PALM2AKAP2: variants seen among roughly 807,000 people sequenced by gnomAD.
The protein encoded by PALM2AKAP2 is PALM2-AKAP2 fusion protein.
Under a neutral mutation model 71.5 loss-of-function variants are expected in PALM2AKAP2, and 37 were observed. The ratio of observed to expected loss-of-function variants is 0.52; its 90% CI spans 0.40 to 0.68. PALM2AKAP2 has a LOEUF of 0.68. PALM2AKAP2 is among the 30% of genes least tolerant of loss of function. The pLI, the probability that PALM2AKAP2 is intolerant of heterozygous loss-of-function variation, is 0.00. For synonymous variants in PALM2AKAP2, 468 were observed against 478.8 expected (o/e 0.98, Z 0.29); for missense variants, 1,224 against 1,191.8 (o/e 1.03, Z -0.40).
intron 1 of PALM2AKAP2, among the ~76,000 whole-genome samples, chr9:109,841,387 G>A (rs1459393660): frequency 6.8e-6 from 1 of 146,950 alleles, no homozygotes; most frequent in Non-Finnish European, 1.5e-5. Context: ...TAGGGGGGAG[G>A]GATAGCATTA....
At chr9:110,005,465 C>A (rs1223728020) in intron 6 of PALM2AKAP2, among the ~76,000 whole-genome samples, 2 of 152,238 alleles carry the variant, frequency 1.3e-5, no homozygotes, top group South Asian at 2.1e-4. Flanking sequence ...TTAGGCTACT[C>A]GGGGGTCAGG....
At chr9:109,929,697 T>G (rs79999822) in intron 5 of PALM2AKAP2, among the ~76,000 whole-genome samples, 6,672 of 151,750 alleles carry the variant, frequency 0.044, 164 homozygotes, top group African/African-American at 0.058. Context: ...ACCCCATCTC[T>G]ACTAAAAATA....
chr9:110,043,880 C>T (rs753647984), upstream of PALM2AKAP2, among the ~76,000 whole-genome samples: 11 of 151,670 alleles, frequency 7.3e-5, no homozygotes, highest in East Asian at 1.9e-4. Context: ...CACCACACCC[C>T]GCTCATTTTT....
At chr9:109,937,441 T>G (rs1831250407) in intron 6 of PALM2AKAP2, among the ~76,000 whole-genome samples, 2 of 152,194 alleles carry the variant, frequency 1.3e-5, no homozygotes, top group South Asian at 4.2e-4. Flanking sequence ...AAAGTATCCA[T>G]GCAGTCATTC....
chr9:110,038,220 C>T (rs973502443), intron 7 of PALM2AKAP2, among the ~76,000 whole-genome samples: 1 of 152,046 alleles, frequency 6.6e-6, no homozygotes, highest in African/African-American at 2.4e-5. Flanking sequence ...ACACACCTGT[C>T]ATCCAAGGCT....
rs1829073156 is a variant in PALM2AKAP2 at position 109,853,387 on chromosome 9, A to AT, written c.46-14098dup. On this transcript the variant is annotated intron_variant, in intron 1 of 9. Transcript: ENST00000302798. ...GCTTTCCAATCTTTTCCATAACTGT[A>AT]TTTTTTCTTATAAAAGTGAGATTAT... Among the ~76,000 whole-genome samples, 4 of 152,130 alleles carry AT rather than the reference A, an allele frequency of 2.6e-5. No individual in the cohort carries two copies. In the South Asian group the frequency reaches 6.2e-4, roughly 24 times the overall value.
chr9:109,844,032 A>T (rs12235555), intron 1 of PALM2AKAP2, among the ~76,000 whole-genome samples: 20,374 of 152,254 alleles, frequency 0.13, 1,639 homozygotes, highest in East Asian at 0.38. Flanking sequence ...TCTCTTTCTC[A>T]AACTGCCTTT....
chr9:110,016,965 C>G (rs889987883), intron 7 of PALM2AKAP2, among the ~76,000 whole-genome samples: 1 of 152,044 alleles, frequency 6.6e-6, no homozygotes, highest in Non-Finnish European at 1.5e-5. Context: ...CTGCAAGCTC[C>G]GCCTCCCGGG....
At chr9:110,116,410 G>T (rs183748625) in intron 1 of PALM2AKAP2, among the ~76,000 whole-genome samples, 2 of 152,272 alleles carry the variant, frequency 1.3e-5, no homozygotes, top group Admixed American at 1.3e-4. Context: ...GCGTGTGCGT[G>T]TGCGCGTGCA....
intron 1 of PALM2AKAP2, among the ~76,000 whole-genome samples, chr9:109,810,554 T>A (rs1277636448): frequency 6.6e-6 from 1 of 151,824 alleles, no homozygotes; most frequent in East Asian, 1.9e-4. Flanking sequence ...GATGGAGAGG[T>A]GGAGGTGAAC....
chr9:110,057,683 CT>C (rs112451798), intron 1 of PALM2AKAP2, among the ~76,000 whole-genome samples: 4,791 of 152,144 alleles, frequency 0.031, 255 homozygotes, highest in African/African-American at 0.11. Flanking sequence ...CAGCCCTCTC[CT>C]TTTCTTACTA....
intron 1 of PALM2AKAP2, among the ~76,000 whole-genome samples, chr9:109,661,603 C>T (rs1412867749): frequency 6.6e-6 from 1 of 152,178 alleles, no homozygotes; most frequent in African/African-American, 2.4e-5. Flanking sequence ...AGCGTGATGC[C>T]TCCAGCTTTG....
chr9:110,086,707 G>C (rs1430584043), intron 1 of PALM2AKAP2, among the ~76,000 whole-genome samples: 3 of 152,170 alleles, frequency 2.0e-5, no homozygotes, highest in Admixed American at 2.0e-4. Flanking sequence ...CAGGTTTCTG[G>C]ACACAGAGGC....
chr9:110,165,502 C>A (rs188260950), intron 3 of PALM2AKAP2, among the ~76,000 whole-genome samples: 2 of 152,272 alleles, frequency 1.3e-5, no homozygotes, highest in East Asian at 3.9e-4. Context: ...TGTTTATTTT[C>A]TTGTCTGTGC....
At chr9:109,827,635 T>C (rs1828190263) in intron 1 of PALM2AKAP2, among the ~76,000 whole-genome samples, 1 of 152,104 alleles carries the variant, frequency 6.6e-6, no homozygotes, top group African/African-American at 2.4e-5. Context: ...TATGAGTTGC[T>C]GGACTGCATG....
At chr9:109,887,626 G>C (rs1036633339) in intron 3 of PALM2AKAP2, among the ~76,000 whole-genome samples, 1 of 151,874 alleles carries the variant, frequency 6.6e-6, no homozygotes, top group East Asian at 1.9e-4. Context: ...CCATGAGGTA[G>C]TGATGATGAT....
At chr9:109,990,067 C>CTTTTTTTTTTTTTTT (rs35739397) in intron 6 of PALM2AKAP2, among the ~76,000 whole-genome samples, 70 of 134,112 alleles carry the variant, frequency 5.2e-4, no homozygotes, top group East Asian at 8.4e-4. Flanking sequence ...TTCTTTCTTT[C>CTTTTTTTTTTTTTTT]TTTTTTTTTT....
exon 4 of PALM2AKAP2, chr9:110,170,977 C>CA (rs878899611): frequency 6.6e-6 from 1 of 152,396 alleles, no homozygotes; most frequent in Non-Finnish European, 1.5e-5. Flanking sequence ...ATGGGTTGCC[C>CA]AAAAAATGTG....
At chr9:109,769,265 G>A (rs531811713) in intron 1 of PALM2AKAP2, among the ~76,000 whole-genome samples, 1 of 152,196 alleles carries the variant, frequency 6.6e-6, no homozygotes, top group African/African-American at 2.4e-5. Flanking sequence ...TTCCTCTGTG[G>A]GCTGGGGGTG....
Sources: allele counts gnomAD v4.1 joint callset (sites outside exome capture counted in the v4.1 genomes callset), GRCh38; gene constraint gnomAD v4.1.1; transcripts MANE v1.5; gene names NCBI Gene and HGNC (gene_info 2026-07-23, HGNC 2026-07-21).